The following EYA1 variants were observed in gnomAD, a reference collection of about 807,000 sequenced individuals.
EYA1 encodes the protein protein phosphatase EYA1.
In EYA1, 16 loss-of-function variants were observed where a neutral mutation model predicts 82.0. The ratio of observed to expected loss-of-function variants is 0.20; its 90% CI spans 0.13 to 0.30. The LOEUF is 0.30. Ranked by LOEUF, EYA1 falls within the 10% of genes least tolerant of loss-of-function variation. The pLI is 1.00. For synonymous variants in EYA1, 261 were observed against 264.4 expected (o/e 0.99, Z 0.12); for missense variants, 633 against 730.7 (o/e 0.87, Z 1.54).
At chr8:71,465,867 A>G (rs995028982) in intron 2 of EYA1, among the ~76,000 whole-genome samples, 16 of 151,966 alleles carry the variant, frequency 1.1e-4, no homozygotes, top group Non-Finnish European at 2.2e-4. Flanking sequence ...AAATAACTAT[A>G]TTATTTATTC....
At chr8:71,370,160 A>T (rs985187287) in intron 2 of EYA1, among the ~76,000 whole-genome samples, 3 of 152,034 alleles carry the variant, frequency 2.0e-5, no homozygotes, top group Non-Finnish European at 2.9e-5. Context: ...AGAAAAATTA[A>T]TTTAAAAATT....
intron 2 of EYA1, among the ~76,000 whole-genome samples, chr8:71,406,066 T>C (rs999618132): frequency 1.3e-5 from 2 of 152,202 alleles, no homozygotes; most frequent in African/African-American, 4.8e-5. Context: ...CATATTCATA[T>C]GTCCAAACTC....
At chr8:71,205,108 C>T (rs1807590009) in intron 17 of EYA1, among the ~76,000 whole-genome samples, 2 of 152,098 alleles carry the variant, frequency 1.3e-5, no homozygotes, top group Admixed American at 6.5e-5. Flanking sequence ...ATCAGGTTCT[C>T]GGCTTCATCT....
chr8:71,299,874 T>C (rs558423071), intron 7 of EYA1, among the ~76,000 whole-genome samples, 154 bp from the exon 8 acceptor site: 26 of 152,314 alleles, frequency 1.7e-4, no homozygotes, highest in Non-Finnish European at 1.3e-4. Flanking sequence ...CTTAACATAG[T>C]TGATGATTTT....
chr8:71,531,710 T>A (rs1814294682), intron 2 of EYA1, among the ~76,000 whole-genome samples: 1 of 152,192 alleles, frequency 6.6e-6, no homozygotes. Flanking sequence ...TCCACTGCCA[T>A]GGCTGCTAAG....
intron 2 of EYA1, among the ~76,000 whole-genome samples, chr8:71,492,503 T>C (rs867904681): frequency 5.3e-5 from 8 of 151,096 alleles, no homozygotes; most frequent in Non-Finnish European, 8.9e-5. Flanking sequence ...CTCGCTCTGT[T>C]GCCCAGGCTG....
chr8:71,236,184 C>T (rs145547761), intron 12 of EYA1, among the ~76,000 whole-genome samples: 161 of 152,144 alleles, frequency 1.1e-3, no homozygotes, highest in African/African-American at 1.8e-3. Flanking sequence ...TACAGGTACA[C>T]GCCATCACGC....
intron 2 of EYA1, among the ~76,000 whole-genome samples, chr8:71,442,686 T>G (rs967438454): frequency 6.6e-6 from 1 of 152,220 alleles, no homozygotes; most frequent in African/African-American, 2.4e-5. Flanking sequence ...TCATATGCAT[T>G]AACTCAATTC....
intron 2 of EYA1, among the ~76,000 whole-genome samples, chr8:71,380,048 T>C (rs1828607446): frequency 6.6e-6 from 1 of 152,160 alleles, no homozygotes; most frequent in Admixed American, 6.5e-5. Flanking sequence ...TCTGCCCAAA[T>C]CACAGACTCT....
At chr8:71,523,203 G>A (rs143867115) in intron 2 of EYA1, among the ~76,000 whole-genome samples, 38,803 of 123,632 alleles carry the variant, frequency 0.31, 6,031 homozygotes, top group East Asian at 0.46. Flanking sequence ...TTTTGAGACG[G>A]AGTCTCGCTT....
chr8:71,308,185 G>A (rs1374749555), intron 7 of EYA1, among the ~76,000 whole-genome samples: 1 of 151,990 alleles, frequency 6.6e-6, no homozygotes, highest in Non-Finnish European at 1.5e-5. Flanking sequence ...AATGTTGAAA[G>A]CAAATTGGTA....
intron 11 of EYA1, among the ~76,000 whole-genome samples, chr8:71,259,132 C>G (rs548686218): frequency 7.9e-5 from 12 of 152,214 alleles, no homozygotes; most frequent in Middle Eastern, 3.4e-3. Context: ...AGCTTTCTCC[C>G]TACAACAACA....
intron 2 of EYA1, among the ~76,000 whole-genome samples, chr8:71,425,922 T>C (rs995013451): frequency 4.6e-5 from 7 of 152,202 alleles, no homozygotes; most frequent in African/African-American, 1.4e-4. Context: ...CCACTCCGGA[T>C]GTCAGAGGTC....
chr8:71,494,715 G>C (rs1811282709), intron 2 of EYA1, among the ~76,000 whole-genome samples: 1 of 152,006 alleles, frequency 6.6e-6, no homozygotes, highest in Non-Finnish European at 1.5e-5. Flanking sequence ...ACATGCCAAG[G>C]GTTAGAAAAG....
intron 2 of EYA1, among the ~76,000 whole-genome samples, chr8:71,405,252 AAACAAC>A (rs143920810): frequency 6.6e-6 from 1 of 151,914 alleles, no homozygotes; most frequent in Admixed American, 6.6e-5. Flanking sequence ...TTTAAAAAAC[AAACAAC>A]AACAACAACA....
At chr8:71,265,111 G>A (rs1162450526) in intron 11 of EYA1, among the ~76,000 whole-genome samples, 4 of 152,010 alleles carry the variant, frequency 2.6e-5, no homozygotes, top group Non-Finnish European at 5.9e-5. Flanking sequence ...TGAGGACACT[G>A]CCACCATGTT....
At chr8:71,490,452 G>T (rs1296690510) in intron 2 of EYA1, among the ~76,000 whole-genome samples, 1 of 152,050 alleles carries the variant, frequency 6.6e-6, no homozygotes, top group Admixed American at 6.5e-5. Context: ...AACTATAAAG[G>T]CTTTTACGAC....
chr8:71,490,680 A>G (rs1810926546), intron 2 of EYA1, among the ~76,000 whole-genome samples: 1 of 152,238 alleles, frequency 6.6e-6, no homozygotes, highest in Admixed American at 6.5e-5. Context: ...CTATTGTGTA[A>G]CATGTCTTAA....
intron 2 of EYA1, among the ~76,000 whole-genome samples, chr8:71,392,277 T>TGCATTGGCTC (rs1829321908): frequency 6.6e-6 from 1 of 152,164 alleles, no homozygotes; most frequent in Admixed American, 6.5e-5. Context: ...CCCTTTGGCT[T>TGCATTGGCTC]GCATTGGCTC....
Sources: gnomAD v4.1 joint callset for allele counts (sites outside exome capture counted in the v4.1 genomes callset) on GRCh38, gnomAD v4.1.1 for gene constraint, MANE v1.5 for transcripts, NCBI Gene and HGNC (gene_info 2026-07-23, HGNC 2026-07-21) for gene names.